The following NIPA2 variants were observed in gnomAD, a reference collection of about 807,000 sequenced individuals.
The protein encoded by NIPA2 is NIPA magnesium transporter 2, also known as magnesium transporter NIPA2.
In NIPA2, 11 loss-of-function variants were observed where a neutral mutation model predicts 29.7. The ratio of observed to expected loss-of-function variants is 0.37; its 90% CI spans 0.23 to 0.61. NIPA2 has a LOEUF of 0.61. Ranked by LOEUF, NIPA2 falls within the 20% of genes least tolerant of loss-of-function variation. The pLI, the probability that NIPA2 is intolerant of heterozygous loss-of-function variation, is 0.66. For synonymous variants in NIPA2, 183 were observed against 161.9 expected (o/e 1.13, Z -0.99); for missense variants, 426 against 437.9 (o/e 0.97, Z 0.24).
intron 5 of NIPA2, among the ~76,000 whole-genome samples, chr15:22,853,836 T>A (rs1346545094): frequency 1.3e-5 from 2 of 152,160 alleles, no homozygotes; most frequent in Non-Finnish European, 2.9e-5. Flanking sequence ...GTTAGTCCTT[T>A]TTTTTGTTTT....
chr15:22,866,990 T>C lies in NIPA2; in HGVS notation c.*143T>C. ...GATTTCACTAATTTGGACCAAGAAA[T>C]TACTTTTCTTGTATTTAAACAAACA... On this transcript the variant is annotated 3_prime_UTR_variant, in exon 8 of 8. Coordinates refer to ENST00000337451, the MANE Select transcript of NIPA2 (RefSeq NM_030922.7). 5.2e-6 allele frequency: 4 copies of C among 766,796 alleles called. No homozygotes were observed. In the East Asian group the frequency reaches 1.1e-4, roughly 21 times the overall value. 47.5% of individuals were successfully genotyped at this position (766,796 alleles called of 1,614,324 possible).
intron 2 of NIPA2, among the ~76,000 whole-genome samples, chr15:22,840,129 C>G (rs1029678839): frequency 6.6e-6 from 1 of 152,062 alleles, no homozygotes; most frequent in Admixed American, 6.6e-5. Context: ...CCATGTTACA[C>G]CGGCTGGTCT....
At position 22,851,880 on chromosome 15, in the gene NIPA2, G is replaced by T; in HGVS notation, c.139+10G>T. The stretch of plus-strand genomic sequence containing the variant: ...GGCTCTATGAGAGCAGGTAGGTTAT[G>T]CCTTATGTGACTTTGAAGTGACCTC... On this transcript the variant is annotated intron_variant, in intron 4 of 7. Coordinates refer to ENST00000337451, the MANE Select transcript of NIPA2 (RefSeq NM_030922.7). 1 of 1,610,198 alleles carries T rather than the reference G, an allele frequency of 6.2e-7. No individual in the cohort carries two copies. Among genetic ancestry groups the T allele is most frequent in the Non-Finnish European group, 8.5e-7 (1 of 1,178,578 alleles).
chr15:22,848,498 A>G (rs559311807), intron 3 of NIPA2, among the ~76,000 whole-genome samples: 3 of 152,086 alleles, frequency 2.0e-5, no homozygotes, highest in African/African-American at 7.2e-5. Flanking sequence ...GGTGTGTACC[A>G]CTGTATCTGG....
intron 2 of NIPA2, among the ~76,000 whole-genome samples, chr15:22,840,110 G>A (rs571461376): frequency 6.6e-6 from 1 of 151,704 alleles, no homozygotes; most frequent in Admixed American, 6.6e-5. Context: ...TTTTAGAACC[G>A]GGGTTTCACC....
intron 3 of NIPA2, among the ~76,000 whole-genome samples, chr15:22,845,542 T>G (rs1051121674): frequency 6.6e-6 from 1 of 151,838 alleles, no homozygotes; most frequent in African/African-American, 2.4e-5. Flanking sequence ...ACTTAAAGAG[T>G]TTACCTTGAA....
chr15:22,861,915 T>TTTGG (rs1296807208), intron 7 of NIPA2, among the ~76,000 whole-genome samples: 2 of 152,004 alleles, frequency 1.3e-5, no homozygotes, highest in African/African-American at 4.8e-5. Context: ...TTTTTGTTTG[T>TTTGG]TTGGTAGAAA....
At position 22,839,742 on chromosome 15, in the gene NIPA2, A is replaced by T. The variant is rs1896506216; in HGVS notation, c.-264A>T. Reference sequence around the variant, plus strand: ...AAATGAGAGTGAATAAGTCATCTCTAACCTCTCCCAGCCTTTTTTTCATAA... The same window carrying T: ...AAATGAGAGTGAATAAGTCATCTCTTACCTCTCCCAGCCTTTTTTTCATAA... On this transcript the variant is annotated 5_prime_UTR_variant, in exon 2 of 8. Coordinates refer to ENST00000337451, the MANE Select transcript of NIPA2 (RefSeq NM_030922.7). The T allele has an allele frequency of 6.6e-6, 1 of 152,204 alleles. No individual in the cohort carries two copies. The highest frequency in any genetic ancestry group is 2.4e-5 in the African/African-American group (1 of 41,442). 9.4% of individuals were successfully genotyped at this position (152,204 alleles called of 1,614,324 possible).
chr15:22,866,732 ATC>A lies in NIPA2; in HGVS notation c.974_975del (p.Ser325Ter). The A allele has an allele frequency of 8.7e-6, 14 of 1,614,032 alleles. No individual in the cohort carries two copies. The Middle Eastern group carries it at 9.9e-4, about 114-fold the overall frequency. ...AAAGACGAGAAAGCAATGAATGGCA[ATC>A]TCTCTAATATGTATGAAGTTCTTAA... is the stretch of plus-strand genomic sequence containing the variant. On this transcript the variant is annotated frameshift_variant, in exon 8 of 8. Coordinates refer to ENST00000337451, the MANE Select transcript of NIPA2 (RefSeq NM_030922.7). LOFTEE classifies it high-confidence loss of function.
At chr15:22,850,375 A>G (rs892258899) in intron 3 of NIPA2, among the ~76,000 whole-genome samples, 1 of 152,070 alleles carries the variant, frequency 6.6e-6, no homozygotes, top group Admixed American at 6.6e-5. Context: ...CCTCCCTCCC[A>G]TTGGCCAAAG....
At chr15:22,860,971 CTG>C (rs925703601) in intron 7 of NIPA2, among the ~76,000 whole-genome samples, 182 bp downstream of exon 7, 2 of 152,176 alleles carry the variant, frequency 1.3e-5, no homozygotes, top group African/African-American at 4.8e-5. Flanking sequence ...TTCTTTAACT[CTG>C]TGTTTGTAAG....
At chr15:22,854,347 G>A (rs936851937) in intron 5 of NIPA2, among the ~76,000 whole-genome samples, 3 of 151,588 alleles carry the variant, frequency 2.0e-5, no homozygotes, top group Non-Finnish European at 4.4e-5. Flanking sequence ...GGATGGTCTC[G>A]ATCTCCTGAC....
chr15:22,866,175 A>G, intron 7 of NIPA2, 38 bp from the exon 8 acceptor site: 6 of 1,567,318 alleles, frequency 3.8e-6, no homozygotes, highest in Non-Finnish European at 5.2e-6. Flanking sequence ...AGAACAACCA[A>G]CCATTTGACT....
Position 22,866,895 on chromosome 15 carries a change from GA to G in NIPA2, c.*50del. 6.8e-7 allele frequency: 1 copy of G among 1,471,544 alleles called. No homozygotes were observed. The highest frequency in any genetic ancestry group is 9.2e-7 in the Non-Finnish European group (1 of 1,092,802). The allele number at this position is 1,471,544 out of a possible 1,614,324, so 91.2% of individuals were successfully genotyped here. A position where few individuals can be genotyped will look rare whatever the true frequency, so the allele number is the denominator to read the frequency against. The stretch of plus-strand genomic sequence containing the variant: ...TCTGTGATTGTTATGAAGTGAATTT[GA>G]ATATCATCAGAATGTGTCTGAAAAA... On this transcript the variant is annotated 3_prime_UTR_variant, in exon 8 of 8. Transcript: ENST00000337451.
chr15:22,866,063 T>G, intron 7 of NIPA2, 150 bp from the exon 8 acceptor site: 1 of 638,850 alleles, frequency 1.6e-6, no homozygotes, highest in South Asian at 2.1e-5. Flanking sequence ...TTTTTGTGGT[T>G]GCATTTCTGC....
chr15:22,853,372 A>ATT, intron 5 of NIPA2, 104 bp downstream of exon 5: 2 of 635,724 alleles, frequency 3.1e-6, no homozygotes, highest in South Asian at 2.4e-5. Context: ...GGTTTAAATA[A>ATT]TCTTTTTTTT....
In NIPA2 at chr15:22,862,049, C is replaced by CTTTTTTTTTTTTTTTTT. The variant is rs57513456; in HGVS notation, c.448+1275_448+1276insTTTTTTTTTTTTTTTTT. On this transcript the variant is annotated intron_variant, in intron 7 of 7. Coordinates refer to ENST00000337451, the MANE Select transcript of NIPA2 (RefSeq NM_030922.7). ...ACCATGCCTCGCCTGATGGGTCTCT[C>CTTTTTTTTTTTTTTTTT]TTTTTTTTTTTTTTTGAGACAGAGT... is the stretch of plus-strand genomic sequence containing the variant. 4.6e-4 allele frequency among the ~76,000 whole-genome samples: 48 copies of CTTTTTTTTTTTTTTTTT among 103,938 alleles called. 3 individuals are homozygous for CTTTTTTTTTTTTTTTTT. Among genetic ancestry groups the CTTTTTTTTTTTTTTTTT allele is most frequent in the African/African-American group, 1.8e-3 (48 of 26,656 alleles). The allele number at this position is 103,938 out of a possible 152,430, so 68.2% of individuals were successfully genotyped here.
At chr15:22,846,902 G>A (rs1314894752) in intron 3 of NIPA2, among the ~76,000 whole-genome samples, 3 of 141,608 alleles carry the variant, frequency 2.1e-5, no homozygotes, top group African/African-American at 7.8e-5. Context: ...TTTTGTTGTT[G>A]TTTTTTTTTT....
intron 7 of NIPA2, among the ~76,000 whole-genome samples, chr15:22,864,059 A>C (rs1595420643): frequency 6.6e-6 from 1 of 151,976 alleles, no homozygotes; most frequent in Non-Finnish European, 1.5e-5. Flanking sequence ...TTTGAGGGAC[A>C]GTTGTTTATT....
Sources: allele counts gnomAD v4.1 joint callset (sites outside exome capture counted in the v4.1 genomes callset), GRCh38; gene constraint gnomAD v4.1.1; transcripts MANE v1.5; gene names NCBI Gene and HGNC (gene_info 2026-07-23, HGNC 2026-07-21).